Variants in RIT2 observed in about 807,000 individuals in gnomAD.
RIT2 encodes the protein GTP-binding protein Rit2.
In RIT2, 24 loss-of-function variants were observed where a neutral mutation model predicts 23.7. The ratio of observed to expected loss-of-function variants is 1.01; its 90% CI spans 0.73 to 1.43. The LOEUF (loss-of-function observed/expected upper bound fraction) is 1.43. Among genes scored for constraint, RIT2 ranks in the 40% most tolerant of loss-of-function variants. The probability of loss-of-function intolerance (pLI) is 0.00; values close to 1 mark genes in which losing one functional copy is unlikely to be tolerated. For synonymous variants in RIT2, 107 were observed against 91.1 expected, an observed-to-expected ratio of 1.17 and a Z score of -0.99; for missense variants, 236 against 266.9, an observed-to-expected ratio of 0.88 and a Z score of 0.81.
chr18:42,766,761 T>C (rs1266983321), intron 4 of RIT2, among the ~76,000 whole-genome samples: 3 of 152,152 alleles, frequency 2.0e-5, no homozygotes, highest in African/African-American at 2.4e-5. Flanking sequence ...AAAAGTGGTT[T>C]CATGGGCAGG....
intron 1 of RIT2, among the ~76,000 whole-genome samples, chr18:43,047,016 T>TA (rs941407751): frequency 2.8e-4 from 42 of 151,698 alleles, no homozygotes; most frequent in South Asian, 1.0e-3. Context: ...CCCTTCCAAA[T>TA]AAAAAAAAGC....
intron 3 of RIT2, among the ~76,000 whole-genome samples, chr18:42,938,820 C>T (rs970527119): frequency 2.6e-5 from 4 of 152,194 alleles, no homozygotes; most frequent in African/African-American, 9.6e-5. Context: ...CTCACTGCAG[C>T]CTCAACTTCC....
At chr18:42,892,189 T>C (rs1598702776) in intron 4 of RIT2, among the ~76,000 whole-genome samples, 2 of 152,212 alleles carry the variant, frequency 1.3e-5, no homozygotes, top group South Asian at 4.1e-4. Context: ...TTCTGAACTC[T>C]GTAGCACTTC....
intron 2 of RIT2, among the ~76,000 whole-genome samples, chr18:42,998,629 T>C (rs1389208435): frequency 2.0e-5 from 3 of 152,214 alleles, no homozygotes; most frequent in South Asian, 2.1e-4. Flanking sequence ...AATAAAGCTA[T>C]ACACTGCATT....
chr18:42,919,244 T>C (rs555582640), intron 4 of RIT2, among the ~76,000 whole-genome samples: 30 of 152,288 alleles, frequency 2.0e-4, no homozygotes, highest in South Asian at 1.9e-3. Context: ...GAAATGAAAC[T>C]ATTTTAATTA....
chr18:42,831,022 G>T (rs75552018), intron 4 of RIT2, among the ~76,000 whole-genome samples: 15,958 of 152,140 alleles, frequency 0.1, 977 homozygotes, highest in Middle Eastern at 0.25. Context: ...TTTTCTTATT[G>T]CATAATGAAA....
intron 4 of RIT2, among the ~76,000 whole-genome samples, chr18:42,798,471 T>C (rs540000378): frequency 2.0e-5 from 3 of 152,352 alleles, no homozygotes; most frequent in Non-Finnish European, 4.4e-5. Context: ...TTTCCAATAG[T>C]TTATAATAAT....
intron 3 of RIT2, among the ~76,000 whole-genome samples, chr18:42,924,218 C>T (rs78615276): frequency 1.6e-4 from 25 of 152,126 alleles, no homozygotes; most frequent in African/African-American, 5.8e-4. Flanking sequence ...ATTTGCCATA[C>T]GTCTGCCAAG....
In RIT2 at chr18:42,974,128, C is replaced by T; in HGVS notation, c.180G>A (p.Gln60=). 1 of 1,611,168 alleles carries T rather than the reference C, an allele frequency of 6.2e-7. No homozygotes were observed. The highest frequency in any genetic ancestry group is 8.5e-7 in the Non-Finnish European group (1 of 1,178,184). ...AAGCTGGCTCATTGTCAATCCTGAC[C>T]TGGGTCTTATAAGCATCTTCTGAAA... is the stretch of plus-strand genomic sequence containing the variant. ...DPTIEDAYKT[Q]VRIDNEPAYL... is the part of the protein sequence containing the mutation. Residue 60 remains glutamine (Q), a synonymous_variant, in exon 3 of 5, where the codon CAG becomes CAA. Transcript: ENST00000326695.
intron 4 of RIT2, among the ~76,000 whole-genome samples, chr18:42,801,213 A>C (rs184987101): frequency 6.6e-6 from 1 of 152,296 alleles, no homozygotes; most frequent in Admixed American, 6.5e-5. Context: ...CTAGTCTTTA[A>C]TTTTTAATTA....
rs144205139 is a variant in RIT2, at chr18:42,882,251, C to A, written c.426+41321G>T. Among the ~76,000 whole-genome samples, 13 of 152,282 alleles carry A rather than the reference C, an allele frequency of 8.5e-5. No homozygotes were observed. The East Asian group carries it at 2.5e-3, about 29-fold the overall frequency. On this transcript the variant is annotated intron_variant, in intron 4 of 4. Transcript: ENST00000326695. ...AGAGTCAGTGCTGATTCATTCCTTCCTCATATGACATCTGTCTGCAAATGC... is the reference window on the plus strand; with the variant it reads ...AGAGTCAGTGCTGATTCATTCCTTCATCATATGACATCTGTCTGCAAATGC...
At chr18:42,942,480 C>G (rs1401056576) in intron 3 of RIT2, among the ~76,000 whole-genome samples, 2 of 152,066 alleles carry the variant, frequency 1.3e-5, no homozygotes, top group African/African-American at 4.8e-5. Flanking sequence ...ACCATACCTT[C>G]GACAGTAGGT....
At chr18:43,110,416 A>C (rs748380035) in intron 1 of RIT2, among the ~76,000 whole-genome samples, 2 of 152,134 alleles carry the variant, frequency 1.3e-5, no homozygotes, top group Non-Finnish European at 2.9e-5. Context: ...TTGGAGAACC[A>C]GATGTGAAGC....
chr18:43,113,668 G>A (rs186790634), intron 1 of RIT2, among the ~76,000 whole-genome samples: 84 of 152,212 alleles, frequency 5.5e-4, no homozygotes, highest in Non-Finnish European at 1.1e-3. Context: ...GGATGTTCCC[G>A]TCCAAAATCT....
chr18:42,766,654 AT>A (rs1358399503), intron 4 of RIT2, among the ~76,000 whole-genome samples: 1 of 152,238 alleles, frequency 6.6e-6, no homozygotes, highest in East Asian at 1.9e-4. Context: ...AAGGACCCTA[AT>A]GTTAAACCCC....
chr18:42,880,550 A>T (rs893968319), intron 4 of RIT2, among the ~76,000 whole-genome samples: 1 of 151,998 alleles, frequency 6.6e-6, no homozygotes, highest in Non-Finnish European at 1.5e-5. Context: ...CTTATCTTTT[A>T]CGTATGTAAT....
intron 2 of RIT2, among the ~76,000 whole-genome samples, chr18:43,009,832 T>G (rs1911310938): frequency 6.6e-6 from 1 of 151,728 alleles, no homozygotes; most frequent in African/African-American, 2.4e-5. Flanking sequence ...ACCAGGAAGC[T>G]TCTTTCACCT....
intron 4 of RIT2, among the ~76,000 whole-genome samples, chr18:42,898,956 A>T (rs1469126748): frequency 6.6e-6 from 1 of 152,184 alleles, no homozygotes. Context: ...ATTACAAATG[A>T]TGCTCACTTT....
intron 1 of RIT2, among the ~76,000 whole-genome samples, chr18:43,111,436 A>G (rs540976643): frequency 9.5e-6 from 1 of 104,894 alleles, no homozygotes; most frequent in East Asian, 5.0e-4. Context: ...TTAAAATAAC[A>G]AAAAAGTATA....
Sources: allele counts gnomAD v4.1 joint callset (sites outside exome capture counted in the v4.1 genomes callset), GRCh38; gene constraint gnomAD v4.1.1; transcripts MANE v1.5; gene names NCBI Gene and HGNC (gene_info 2026-07-23, HGNC 2026-07-21).